CCDC102B: variants seen among roughly 807,000 people sequenced by gnomAD.
CCDC102B encodes the protein coiled-coil domain-containing protein 102B.
CCDC102B carries 75 observed loss-of-function variants against 57.4 expected under a neutral mutation model. The ratio of observed to expected loss-of-function variants is 1.31; its 90% CI spans 1.08 to 1.58. CCDC102B has a LOEUF of 1.58. Among genes scored for constraint, CCDC102B ranks in the 40% most tolerant of loss-of-function variants. CCDC102B has a pLI of 0.00. For synonymous variants in CCDC102B, 206 were observed against 201.9 expected (o/e 1.02, Z -0.17); for missense variants, 636 against 582.6 (o/e 1.09, Z -0.94).
chr18:68,725,287 C>T (rs750271425), intron 2 of CCDC102B, among the ~76,000 whole-genome samples: 10 of 152,296 alleles, frequency 6.6e-5, no homozygotes, highest in Admixed American at 5.2e-4. Context: ...AATAGTAAGG[C>T]ACTATATTAA....
intron 2 of CCDC102B, among the ~76,000 whole-genome samples, chr18:68,744,667 T>C (rs1425634920): frequency 3.3e-5 from 5 of 152,146 alleles, no homozygotes; most frequent in Admixed American, 6.5e-5. Context: ...TCACCAGCCA[T>C]GTGCATGAAG....
At chr18:69,011,304 T>C (rs1419033566) in intron 7 of CCDC102B, 200 bp downstream of exon 7, 1 of 561,332 alleles carries the variant, frequency 1.8e-6, no homozygotes, top group Non-Finnish European at 3.1e-6. Context: ...TAATAGTATA[T>C]GTTTTACGAG....
At chr18:68,888,001 T>A (rs1276778158) in intron 5 of CCDC102B, among the ~76,000 whole-genome samples, 1 of 152,190 alleles carries the variant, frequency 6.6e-6, no homozygotes, top group Non-Finnish European at 1.5e-5. Context: ...ATGCTTTAGT[T>A]TATGGCACAT....
chr18:68,818,786 TG>T (rs1317485470), intron 1 of CCDC102B, among the ~76,000 whole-genome samples: 1 of 152,182 alleles, frequency 6.6e-6, no homozygotes, highest in East Asian at 1.9e-4. Flanking sequence ...CATTCAATTT[TG>T]AGCAATTAGG....
chr18:68,756,806 G>C (rs2034066228), intron 2 of CCDC102B, among the ~76,000 whole-genome samples: 1 of 152,136 alleles, frequency 6.6e-6, no homozygotes, highest in East Asian at 1.9e-4. Context: ...TCTAGGCCAA[G>C]TTATGTGCCA....
At chr18:69,057,271 A>C (rs2052832956), downstream of CCDC102B, among the ~76,000 whole-genome samples, 1 of 152,092 alleles carries the variant, frequency 6.6e-6, no homozygotes, top group African/African-American at 2.4e-5. Flanking sequence ...CTTGAAACTT[A>C]GTAGCTTAAA....
chr18:68,726,563 T>C (rs565892282), intron 2 of CCDC102B, among the ~76,000 whole-genome samples: 119 of 152,314 alleles, frequency 7.8e-4, no homozygotes, highest in African/African-American at 2.7e-3. Flanking sequence ...AAATAGACTA[T>C]TAAACAAGCT....
rs2032637467 is a variant in CCDC102B, at chr18:68,727,237, C to T, written c.-67+10643C>T. Among the ~76,000 whole-genome samples, 3 of 152,324 alleles carry T rather than the reference C, an allele frequency of 2.0e-5. No homozygotes were observed. The South Asian group carries it at 6.2e-4, about 32-fold the overall frequency. On this transcript the variant is annotated intron_variant, in intron 2 of 3. Coordinates refer to the CCDC102B transcript ENST00000578970. ...AGAATGTCAGTCACCTGCATTCATA[C>T]TGACTCCAGTCTCTGGCTAAAGCCC...
intron 6 of CCDC102B, among the ~76,000 whole-genome samples, chr18:68,952,532 A>C (rs2049727555): frequency 6.6e-6 from 1 of 152,136 alleles, no homozygotes; most frequent in Non-Finnish European, 1.5e-5. Flanking sequence ...ATGAGCTGCT[A>C]AGTGAAGATG....
chr18:68,735,489 T>C (rs185213810), intron 2 of CCDC102B, among the ~76,000 whole-genome samples: 2 of 152,386 alleles, frequency 1.3e-5, no homozygotes, highest in Admixed American at 6.5e-5. Flanking sequence ...TCTGATATTC[T>C]GATCCTTGCT....
At chr18:68,774,520 C>T (rs1235359047) in intron 2 of CCDC102B, among the ~76,000 whole-genome samples, 1 of 151,902 alleles carries the variant, frequency 6.6e-6, no homozygotes, top group Admixed American at 6.6e-5. Context: ...CTGTAATATA[C>T]ACACAACAGT....
chr18:68,722,023 G>A (rs900896993), intron 2 of CCDC102B, among the ~76,000 whole-genome samples: 10 of 152,196 alleles, frequency 6.6e-5, no homozygotes, highest in African/African-American at 2.2e-4. Context: ...GGAAACAACC[G>A]AAGTAAGGGA....
intron 2 of CCDC102B, among the ~76,000 whole-genome samples, chr18:68,765,320 G>GAAAGAAAGAAAAGAAAGAAA (rs1568238728): frequency 4.9e-5 from 2 of 40,618 alleles, no homozygotes; most frequent in Admixed American, 3.4e-4. Context: ...AAGGAAGGAA[G>GAAAGAAAGAAAAGAAAGAAA]GAAGGAAAGA....
chr18:68,846,317 C>T lies in CCDC102B; in HGVS notation c.832C>T (p.Arg278Cys), dbSNP rs368864406. Residue 278 changes from arginine to cysteine, a missense_variant, in exon 4 of 8, where the codon CGC becomes TGC. By Grantham distance (180) the Arg-to-Cys change is radical. Transcript: ENST00000360242. ...TTTAATTCTTAAATTATTTAGAATGCGCACAGCTTTGGAAAAAGAAATAGA... is the reference window on the plus strand; with the variant it reads ...TTTAATTCTTAAATTATTTAGAATGTGCACAGCTTTGGAAAAAGAAATAGA... ...QKILWKEREM[R>C]TALEKEIERL... is the part of the protein sequence containing the mutation. The T allele has an allele frequency of 2.2e-5, 34 of 1,519,744 alleles. No homozygotes were observed. Among genetic ancestry groups the T allele is most frequent in the East Asian group, 7.5e-5 (3 of 39,780 alleles). The allele number at this position is 1,519,744 out of a possible 1,614,324, so 94.1% of individuals were successfully genotyped here. A position where few individuals can be genotyped will look rare whatever the true frequency, so the allele number is the denominator to read the frequency against.
intron 6 of CCDC102B, among the ~76,000 whole-genome samples, chr18:68,982,899 T>A (rs954492525): frequency 6.6e-6 from 1 of 151,900 alleles, no homozygotes; most frequent in Non-Finnish European, 1.5e-5. Flanking sequence ...ATATAATGTA[T>A]CTCACATATT....
rs574889017 is a variant in CCDC102B at position 69,047,131 on chromosome 18, C to T, written c.1435-6899C>T. Among the ~76,000 whole-genome samples, 37 of 152,168 alleles carry T rather than the reference C, an allele frequency of 2.4e-4. 1 individual carries two copies. In the South Asian group the frequency reaches 6.6e-3, roughly 27 times the overall value. ...CAAACAAAAACTTCAGGCCAATATGCTCAGTGAACATAGATGCAAAAAGTC... is the reference window on the plus strand; with the variant it reads ...CAAACAAAAACTTCAGGCCAATATGTTCAGTGAACATAGATGCAAAAAGTC... On this transcript the variant is annotated intron_variant, in intron 7 of 7. Transcript: ENST00000360242.
intron 6 of CCDC102B, among the ~76,000 whole-genome samples, chr18:69,002,017 A>G (rs1210466345): frequency 6.6e-6 from 1 of 152,148 alleles, no homozygotes; most frequent in Non-Finnish European, 1.5e-5. Flanking sequence ...TGTTTTCCTG[A>G]TCACAGATGG....
rs1324202382 is a variant in CCDC102B, at chr18:68,880,152, C to CT, written c.1053+5368dup. On this transcript the variant is annotated intron_variant, in intron 5 of 7. Coordinates refer to ENST00000360242, the MANE Select transcript of CCDC102B (RefSeq NM_024781.3). ...CCGAGCCCTGCCCCGCCCAAGGCAG[C>CT]TAAGGCCCGGTGAGAAATCGAGCGC... 3.3e-5 allele frequency among the ~76,000 whole-genome samples: 5 copies of CT among 152,210 alleles called. No homozygotes were observed. In the East Asian group the frequency reaches 9.7e-4, roughly 29 times the overall value.
intron 6 of CCDC102B, among the ~76,000 whole-genome samples, chr18:68,956,553 ATTATATATATTATATATTTTATATATAT>A (rs2049896754): frequency 3.8e-4 from 2 of 5,250 alleles, no homozygotes; most frequent in South Asian, 0.011. Context: ...ATATATAAAT[ATTATATATATTATATATTTTATATATAT>A]AAATATTATA....
Sources: gnomAD v4.1 joint callset for allele counts (sites outside exome capture counted in the v4.1 genomes callset) on GRCh38, gnomAD v4.1.1 for gene constraint, MANE v1.5 for transcripts, NCBI Gene and HGNC (gene_info 2026-07-23, HGNC 2026-07-21) for gene names.